Variants in PRKCH observed in about 807,000 individuals in gnomAD.
The protein encoded by PRKCH is protein kinase C eta, also known as protein kinase C eta type.
A neutral mutation model predicts 82.5 loss-of-function variants in PRKCH; 28 were observed. The ratio of observed to expected loss-of-function variants is 0.34; its 90% CI spans 0.25 to 0.47. PRKCH has a LOEUF of 0.47. PRKCH is among the 20% of genes least tolerant of loss of function. The probability of loss-of-function intolerance (pLI) is 1.00; values close to 1 mark genes in which losing one functional copy is unlikely to be tolerated. For synonymous variants in PRKCH, 322 were observed against 327.4 expected, an observed-to-expected ratio of 0.98 and a Z score of 0.18; for missense variants, 705 against 881.8, an observed-to-expected ratio of 0.80 and a Z score of 2.54.
At chr14:61,188,790 G>A (rs2044388532) in intron 1 of PRKCH, among the ~76,000 whole-genome samples, 1 of 150,894 alleles carries the variant, frequency 6.6e-6, no homozygotes, top group South Asian at 2.1e-4. Context: ...CAGCAATCTC[G>A]ACTCACTGCA....
intron 1 of PRKCH, among the ~76,000 whole-genome samples, chr14:61,253,983 C>T (rs1448292858): frequency 1.8e-5 from 2 of 110,990 alleles, no homozygotes; most frequent in Non-Finnish European, 1.9e-5. Flanking sequence ...TCCCTCCTCC[C>T]TCCCTCCCTC....
At chr14:61,453,032 CTT>C in intron 6 of PRKCH, 192 bp from the exon 7 acceptor site, 1 of 639,526 alleles carries the variant, frequency 1.6e-6, no homozygotes, top group East Asian at 2.8e-5. Context: ...TGCCTTTCTG[CTT>C]CTGCAGAAAA....
intron 9 of PRKCH, chr14:61,463,122 T>A (rs1187541256): frequency 1.3e-5 from 2 of 152,184 alleles, no homozygotes. Flanking sequence ...ATGGCTTGAG[T>A]CTGTCCTAAA....
chr14:61,240,305 T>G (rs1212222170), intron 1 of PRKCH, among the ~76,000 whole-genome samples: 1 of 152,182 alleles, frequency 6.6e-6, no homozygotes, highest in Non-Finnish European at 1.5e-5. Context: ...TTGGTTATAT[T>G]GGGAGGTTGG....
chr14:61,429,143 G>A (rs1883269470), intron 2 of PRKCH, among the ~76,000 whole-genome samples: 1 of 152,202 alleles, frequency 6.6e-6, no homozygotes, highest in African/African-American at 2.4e-5. Flanking sequence ...ATAGAAGGAA[G>A]CATGAAAGGT....
chr14:61,322,545 C>T, intron 1 of PRKCH, 81 bp downstream of exon 1: 1 of 1,499,690 alleles, frequency 6.7e-7, no homozygotes, highest in Admixed American at 2.1e-5. Context: ...CCGGGTCCCG[C>T]TTTCCCATCG....
At chr14:61,294,372 G>A (rs1350874216) in intron 1 of PRKCH, among the ~76,000 whole-genome samples, 9 of 152,016 alleles carry the variant, frequency 5.9e-5, no homozygotes, top group South Asian at 2.1e-4. Flanking sequence ...TGCCCGCCTC[G>A]GCCTCCCAAA....
intron 1 of PRKCH, chr14:61,305,958 C>T (rs756602402): frequency 6.6e-6 from 1 of 152,180 alleles, no homozygotes; most frequent in African/African-American, 2.4e-5. Flanking sequence ...ATGTTATCTT[C>T]TTTTAAATGG....
chr14:61,209,414 GA>G (rs2044552335), intron 1 of PRKCH, among the ~76,000 whole-genome samples: 1 of 149,524 alleles, frequency 6.7e-6, no homozygotes, highest in African/African-American at 2.5e-5. Flanking sequence ...CCAGCTTCCA[GA>G]ACGGTAAGAA....
At chr14:61,482,806 A>G (rs1203297066) in intron 9 of PRKCH, among the ~76,000 whole-genome samples, 2 of 152,178 alleles carry the variant, frequency 1.3e-5, no homozygotes, top group Admixed American at 6.5e-5. Flanking sequence ...AGGGCTGTAG[A>G]TGGGGCTGGG....
chr14:61,518,857 T>A (rs887761560), intron 10 of PRKCH, among the ~76,000 whole-genome samples: 9 of 151,842 alleles, frequency 5.9e-5, no homozygotes, highest in African/African-American at 2.2e-4. Flanking sequence ...CTGTTGCCCA[T>A]GCTGGAGTGC....
At chr14:61,392,872 T>C (rs940268057) in intron 2 of PRKCH, among the ~76,000 whole-genome samples, 1 of 152,004 alleles carries the variant, frequency 6.6e-6, no homozygotes, top group Non-Finnish European at 1.5e-5. Context: ...GCAAATAGTT[T>C]TAGGTTTTAT....
chr14:61,267,934 TTAGA>T (rs1263637761), intron 1 of PRKCH, among the ~76,000 whole-genome samples: 3 of 152,208 alleles, frequency 2.0e-5, no homozygotes, highest in Non-Finnish European at 4.4e-5. Context: ...TTATATTTGT[TTAGA>T]TAGATTTTTC....
chr14:61,407,455 A>T (rs913657978), intron 2 of PRKCH, among the ~76,000 whole-genome samples: 1 of 152,126 alleles, frequency 6.6e-6, no homozygotes, highest in Non-Finnish European at 1.5e-5. Flanking sequence ...CTGAAGCTTA[A>T]CTCTAGGAGG....
chr14:61,501,681 A>G (rs1382821951), intron 10 of PRKCH, among the ~76,000 whole-genome samples: 1 of 152,118 alleles, frequency 6.6e-6, no homozygotes, highest in East Asian at 1.9e-4. Flanking sequence ...AAGTGATGAG[A>G]AGATGGGTGG....
chr14:61,281,290 T>C (rs995911419), intron 1 of PRKCH: 1 of 408,220 alleles, frequency 2.4e-6, no homozygotes, highest in Admixed American at 4.7e-5. Context: ...CCCGGGCCCC[T>C]CCTCTGCCTC....
chr14:61,378,224 C>CTTTTTCTT (rs1555380855), intron 1 of PRKCH, among the ~76,000 whole-genome samples: 8,068 of 139,224 alleles, frequency 0.058, 335 homozygotes, highest in Non-Finnish European at 0.087. Flanking sequence ...TTTTCTTTTT[C>CTTTTTCTT]TTTTTTTTTT....
At chr14:61,534,702 T>C (rs1218193823) in intron 12 of PRKCH, among the ~76,000 whole-genome samples, 1 of 152,202 alleles carries the variant, frequency 6.6e-6, no homozygotes, top group Non-Finnish European at 1.5e-5. Flanking sequence ...TTTCCTCATC[T>C]GTAGATGAGG....
chr14:61,329,803 G>A (rs2045758276), intron 1 of PRKCH, among the ~76,000 whole-genome samples: 1 of 152,142 alleles, frequency 6.6e-6, no homozygotes, highest in Admixed American at 6.5e-5. Context: ...TTTTGCCGCT[G>A]TCTCCTCCAA....
Sources: gnomAD v4.1 joint callset for allele counts (sites outside exome capture counted in the v4.1 genomes callset) on GRCh38, gnomAD v4.1.1 for gene constraint, MANE v1.5 for transcripts, NCBI Gene and HGNC (gene_info 2026-07-23, HGNC 2026-07-21) for gene names.